MRTFB: variants seen among roughly 807,000 people sequenced by gnomAD.
MRTFB encodes the protein myocardin-related transcription factor B.
In MRTFB, 29 loss-of-function variants were observed where a neutral mutation model predicts 104.2. The observed-to-expected ratio is 0.28, with a 90% confidence interval of 0.21 to 0.38. The LOEUF is 0.38. MRTFB is among the 10% of genes least tolerant of loss of function. The pLI is 1.00. For missense variants in MRTFB, 1,270 were observed against 1,341.6 expected (o/e 0.95, Z 0.83); for synonymous variants, 535 against 519.5 (o/e 1.03, Z -0.41).
chr16:14,213,034 C>G (rs1204356467), intron 5 of MRTFB, among the ~76,000 whole-genome samples: 2 of 152,100 alleles, frequency 1.3e-5, no homozygotes, highest in Non-Finnish European at 2.9e-5. Context: ...AAGAATTTTT[C>G]TAGAATGCAA....
At chr16:14,022,410 T>C in the MRTFB span, among the ~76,000 whole-genome samples, 2 of 152,106 alleles carry the variant, frequency 1.3e-5, no homozygotes, top group African/African-American at 4.8e-5. Flanking sequence ...AAGCATTTCT[T>C]TTTTTTTGAG....
the MRTFB span, among the ~76,000 whole-genome samples, chr16:14,003,623 G>GGCCTGCCTGCCTGCCT: frequency 1.7e-3 from 144 of 85,404 alleles, no homozygotes; most frequent in Non-Finnish European, 2.7e-3. Context: ...GGGGCCGGCC[G>GGCCTGCCTGCCTGCCT]GCCTGCCTGC....
chr16:14,012,578 G>A, the MRTFB span, among the ~76,000 whole-genome samples: 4 of 152,024 alleles, frequency 2.6e-5, no homozygotes, highest in African/African-American at 9.7e-5. Flanking sequence ...GATAACAGGC[G>A]TGAGCCACCG....
At chr16:14,224,057 C>G (rs4781583) in intron 8 of MRTFB, among the ~76,000 whole-genome samples, 25,872 of 152,084 alleles carry the variant, frequency 0.17, 5,614 homozygotes, top group African/African-American at 0.5. Flanking sequence ...AGGGTGAAGG[C>G]AAAGCAAGCA....
chr16:14,019,980 C>T, the MRTFB span, among the ~76,000 whole-genome samples: 7 of 152,324 alleles, frequency 4.6e-5, no homozygotes, highest in East Asian at 9.6e-4. Flanking sequence ...ACATTGATCA[C>T]GTGAGACGCT....
chr16:14,245,674 C>G lies in MRTFB; in HGVS notation c.1212+14C>G. On this transcript the variant is annotated intron_variant, in intron 11 of 16. Coordinates refer to ENST00000571589, the MANE Select transcript of MRTFB (RefSeq NM_001308142.2). Reference sequence around the variant, plus strand: ...GATGACTTAAAGGTGACAATTGCAACTGGAGCTTATTCACCCCTAAGTACC... The same window carrying G: ...GATGACTTAAAGGTGACAATTGCAAGTGGAGCTTATTCACCCCTAAGTACC... 6.2e-7 allele frequency: 1 copy of G among 1,604,318 alleles called. No homozygotes were observed. The highest frequency in any genetic ancestry group is 8.5e-7 in the Non-Finnish European group (1 of 1,177,612).
the MRTFB span, among the ~76,000 whole-genome samples, chr16:14,035,871 A>G: frequency 1.3e-5 from 2 of 151,142 alleles, no homozygotes; most frequent in African/African-American, 4.9e-5. Flanking sequence ...TTTATCCCTC[A>G]CCACCTTCCC....
chr16:14,186,657 T>C (rs1460918511), intron 3 of MRTFB: 7 of 1,269,512 alleles, frequency 5.5e-6, no homozygotes, highest in Non-Finnish European at 6.0e-6. Flanking sequence ...TTTAGAATCG[T>C]GCCTGTGTGG....
chr16:13,999,278 A>G, the MRTFB span, among the ~76,000 whole-genome samples: 2 of 152,040 alleles, frequency 1.3e-5, no homozygotes, highest in African/African-American at 4.8e-5. Flanking sequence ...AATAAACCAT[A>G]TAACAGGTCG....
the MRTFB span, among the ~76,000 whole-genome samples, chr16:14,050,696 C>G: frequency 1.3e-5 from 2 of 152,210 alleles, no homozygotes; most frequent in Non-Finnish European, 2.9e-5. Context: ...CTGCTGCTAG[C>G]TCAGCAGTCA....
At chr16:14,017,657 GTGTGTGTATT>G in the MRTFB span, among the ~76,000 whole-genome samples, 9 of 69,378 alleles carry the variant, frequency 1.3e-4, no homozygotes, top group African/African-American at 3.6e-4. Flanking sequence ...ATGTGTGTGT[GTGTGTGTATT>G]TGTGTGTGTG....
intron 3 of MRTFB, among the ~76,000 whole-genome samples, chr16:14,162,833 C>G (rs766799240): frequency 2.6e-5 from 4 of 152,132 alleles, no homozygotes; most frequent in Non-Finnish European, 4.4e-5. Flanking sequence ...TTTACAAATT[C>G]AGTGAATCGT....
At position 14,261,705 on chromosome 16, in the gene MRTFB, T is replaced by G. The variant is rs994429034; in HGVS notation, c.*261T>G. 3.2e-5 allele frequency: 13 copies of G among 405,734 alleles called. No homozygotes were observed. Among genetic ancestry groups the G allele is most frequent in the Non-Finnish European group, 4.8e-5 (11 of 228,988 alleles). The allele number at this position is 405,734 out of a possible 1,614,324, so 25.1% of individuals were successfully genotyped here. On this transcript the variant is annotated 3_prime_UTR_variant, in exon 17 of 17. Transcript: ENST00000571589. ...AGACGACTCATCTATTTCTCCAGAC[T>G]TCAGTAAAGAATGAAAAGTACCTTT...
chr16:14,061,740 G>C, the MRTFB span, among the ~76,000 whole-genome samples: 1 of 152,114 alleles, frequency 6.6e-6, no homozygotes, highest in Non-Finnish European at 1.5e-5. Flanking sequence ...AGAGTCAAAG[G>C]AGGGGGAGGG....
chr16:14,255,098 A>G (rs764292291), intron 15 of MRTFB, among the ~76,000 whole-genome samples: 2 of 152,276 alleles, frequency 1.3e-5, no homozygotes, highest in Non-Finnish European at 1.5e-5. Flanking sequence ...AAGATAGATC[A>G]TAACTTATCC....
intron 3 of MRTFB, chr16:14,142,291 G>A (rs2038049350): frequency 7.2e-6 from 1 of 139,724 alleles, no homozygotes; most frequent in South Asian, 2.2e-4. Context: ...CTGTCGCCCA[G>A]GCTGGAGTGC....
rs935725292 is a variant in MRTFB, at chr16:14,186,717, G to A, written c.155-23526G>A. The A allele has an allele frequency of 8.5e-6, 12 of 1,416,772 alleles. No individual in the cohort carries two copies. In the African/African-American group the frequency reaches 1.6e-4, roughly 19 times the overall value. 87.8% of individuals were successfully genotyped at this position (1,416,772 alleles called of 1,614,324 possible). A position where few individuals can be genotyped will look rare whatever the true frequency, so the allele number is the denominator to read the frequency against. On this transcript the variant is annotated intron_variant, in intron 3 of 16. Transcript: ENST00000571589. Reference sequence around the variant, plus strand: ...GTTAAGGGCTTCCAGCGGCATGAGTGTATTTGCAGGTCAAGCTGGGAACTA... The same window carrying A: ...GTTAAGGGCTTCCAGCGGCATGAGTATATTTGCAGGTCAAGCTGGGAACTA...
intron 3 of MRTFB, among the ~76,000 whole-genome samples, chr16:14,179,687 A>T (rs1242844933): frequency 5.9e-5 from 9 of 152,228 alleles, no homozygotes; most frequent in African/African-American, 2.2e-4. Context: ...GAAATAGTTT[A>T]TCCTAGACTT....
intron 3 of MRTFB, among the ~76,000 whole-genome samples, chr16:14,145,735 C>A (rs568987838): frequency 6.6e-6 from 1 of 152,176 alleles, no homozygotes; most frequent in Non-Finnish European, 1.5e-5. Context: ...GGGGATTGAG[C>A]TTCATTTTAA....
Sources: gnomAD v4.1 joint callset for allele counts (sites outside exome capture counted in the v4.1 genomes callset) on GRCh38, gnomAD v4.1.1 for gene constraint, MANE v1.5 for transcripts, NCBI Gene and HGNC (gene_info 2026-07-23, HGNC 2026-07-21) for gene names.